The following TTC39C variants were observed in gnomAD, a reference collection of about 807,000 sequenced individuals.
TTC39C encodes tetratricopeptide repeat domain 39C, also known as tetratricopeptide repeat protein 39C.
TTC39C carries 33 observed loss-of-function variants against 76.3 expected under a neutral mutation model. The observed-to-expected ratio is 0.43, with a 90% CI of 0.33 to 0.58. The LOEUF is 0.58. Ranked by LOEUF, TTC39C falls within the 20% of genes least tolerant of loss-of-function variation. The pLI, the probability that TTC39C is intolerant of heterozygous loss-of-function variation, is 0.04. For missense variants in TTC39C, 595 were observed against 701.4 expected (o/e 0.85, Z 1.71); for synonymous variants, 254 against 260.6 (o/e 0.97, Z 0.24).
chr18:24,013,820 A>C (rs1020708319), upstream of TTC39C, among the ~76,000 whole-genome samples: 15 of 152,264 alleles, frequency 9.9e-5, no homozygotes, highest in African/African-American at 3.6e-4. Flanking sequence ...CATCATCAGA[A>C]CAGTGAGACT....
upstream of TTC39C, among the ~76,000 whole-genome samples, chr18:24,012,157 A>G (rs952446887): frequency 1.8e-5 from 2 of 113,070 alleles, no homozygotes; most frequent in Non-Finnish European, 4.4e-5. Flanking sequence ...CTCTTCCTTC[A>G]GGATTTGGAG....
intron 6 of TTC39C, among the ~76,000 whole-genome samples, chr18:24,092,625 C>G (rs974977613): frequency 6.6e-6 from 1 of 152,156 alleles, no homozygotes; most frequent in Non-Finnish European, 1.5e-5. Flanking sequence ...AAAAGTCAGT[C>G]ACAAAGACCA....
At chr18:24,069,407 C>A (rs1055977528) in intron 4 of TTC39C, 136 bp downstream of exon 4, 1 of 718,218 alleles carries the variant, frequency 1.4e-6, no homozygotes, top group Non-Finnish European at 2.3e-6. Context: ...TGATTTATTA[C>A]TGGGGAAATT....
chr18:24,023,971 TATATATATACATATATATATATA>T (rs2083555384), intron 1 of TTC39C, among the ~76,000 whole-genome samples: 3 of 13,496 alleles, frequency 2.2e-4, no homozygotes, highest in African/African-American at 3.6e-4. Flanking sequence ...TATATATATA[TATATATATACATATATATATATA>T]TATATATATA....
intron 6 of TTC39C, among the ~76,000 whole-genome samples, chr18:24,091,827 C>T (rs985689263): frequency 6.6e-5 from 10 of 152,090 alleles, no homozygotes; most frequent in East Asian, 3.9e-4. Flanking sequence ...CGGTGGCTCA[C>T]GCCTGTAATC....
chr18:24,086,683 C>T (rs1255961386), intron 6 of TTC39C, among the ~76,000 whole-genome samples: 1 of 152,224 alleles, frequency 6.6e-6, no homozygotes, highest in Non-Finnish European at 1.5e-5. Context: ...CTTCTCCCCA[C>T]TGCGTGTCTA....
chr18:24,020,085 A>G lies in TTC39C; in HGVS notation c.167+5047A>G, dbSNP rs115387936. The G allele has an allele frequency of 1.5e-5, 20 of 1,318,230 alleles. No individual in the cohort carries two copies. The African/African-American group carries it at 3.1e-4, about 20-fold the overall frequency. The allele number at this position is 1,318,230 out of a possible 1,614,324, so 81.7% of individuals were successfully genotyped here. A position where few individuals can be genotyped will look rare whatever the true frequency, so the allele number is the denominator to read the frequency against. On this transcript the variant is annotated intron_variant, in intron 1 of 13. Transcript: ENST00000317571. ...GCCTTGCTCCTGGAGACGATAGGAGAGTCCACAGATGCAGAGATGTAAGAA... is the reference window on the plus strand; with the variant it reads ...GCCTTGCTCCTGGAGACGATAGGAGGGTCCACAGATGCAGAGATGTAAGAA...
upstream of TTC39C, among the ~76,000 whole-genome samples, chr18:24,012,614 C>A (rs1052386768): frequency 1.3e-5 from 2 of 152,184 alleles, no homozygotes; most frequent in Admixed American, 6.5e-5. Flanking sequence ...GGACTGCAGG[C>A]TATCTCCTAT....
intron 1 of TTC39C, among the ~76,000 whole-genome samples, chr18:24,022,305 TTGA>T (rs1246790649): frequency 1.3e-5 from 2 of 151,780 alleles, no homozygotes; most frequent in Admixed American, 6.6e-5. Flanking sequence ...TGGGCTGGCA[TTGA>T]GCCAGCCCAC....
chr18:24,060,395 G>A (rs2084083249), intron 1 of TTC39C, among the ~76,000 whole-genome samples: 1 of 134,400 alleles, frequency 7.4e-6, no homozygotes, highest in South Asian at 2.4e-4. Flanking sequence ...TCGGCTCACT[G>A]CAGCTTCTGC....
At position 24,109,844 on chromosome 18, in the gene TTC39C, A is replaced by G. The variant is rs1240357923; in HGVS notation, c.985-4710A>G. On this transcript the variant is annotated intron_variant, in intron 6 of 13. Coordinates refer to ENST00000317571, the MANE Select transcript of TTC39C (RefSeq NM_001135993.2). ...ACATGGTGAAACCCTGTCTCTAGTA[A>G]AAATCCAAAAAATTAGCAGGGTCTG... Among the ~76,000 whole-genome samples the G allele has an allele frequency of 3.3e-5, 5 of 152,084 alleles. No homozygotes were observed. In the East Asian group the frequency reaches 9.6e-4, roughly 29 times the overall value.
At position 24,083,001 on chromosome 18, in the gene TTC39C, G is replaced by A; in HGVS notation, c.904G>A (p.Glu302Lys). 6.2e-7 allele frequency: 1 copy of A among 1,614,078 alleles called. No homozygotes were observed. Among genetic ancestry groups the A allele is most frequent in the Non-Finnish European group, 8.5e-7 (1 of 1,179,962 alleles). Residue 302 changes from glutamate to lysine, a missense_variant, in exon 6 of 14, where the codon GAA becomes AAA. Transcript: ENST00000317571. ...CAAGGCAGGCCTGGATGAAGCTAAG[G>A]AAATTCTCCTTAAAAAAGAAGCTGC... ...DNKAGLDEAK[E>K]ILLKKEAAYP...
intron 1 of TTC39C, among the ~76,000 whole-genome samples, chr18:24,054,492 G>A (rs547302740): frequency 2.6e-5 from 4 of 152,262 alleles, no homozygotes; most frequent in African/African-American, 4.8e-5. Context: ...AGTTTCAGTC[G>A]TGACTGTTCA....
At chr18:24,080,473 T>C in intron 4 of TTC39C, 112 bp from the exon 5 acceptor site, 1 of 757,736 alleles carries the variant, frequency 1.3e-6, no homozygotes, top group African/African-American at 1.8e-5. Flanking sequence ...CTAATTTTTA[T>C]GTTTTTTACA....
chr18:24,098,624 T>A (rs2084630316), intron 6 of TTC39C, among the ~76,000 whole-genome samples: 1 of 146,358 alleles, frequency 6.8e-6, no homozygotes. Context: ...TCTCTTCTCT[T>A]CTGTTTGTCT....
rs1404949527 is a variant in TTC39C, at chr18:24,134,269, T to A, written c.*1695T>A. On this transcript the variant is annotated 3_prime_UTR_variant, in exon 14 of 14. Transcript: ENST00000317571. ...ATATTGGACATCTGTTTTTTGTTTT[T>A]TTTTTTTTTTTTTTTTTTTTTTGAG... The A allele has an allele frequency of 8.1e-6, 1 of 123,452 alleles. No individual in the cohort carries two copies. Among genetic ancestry groups the A allele is most frequent in the South Asian group, 3.2e-4 (1 of 3,080 alleles). 7.6% of individuals were successfully genotyped at this position (123,452 alleles called of 1,614,324 possible).
chr18:24,045,384 G>A (rs2083855307), intron 1 of TTC39C, among the ~76,000 whole-genome samples: 1 of 152,090 alleles, frequency 6.6e-6, no homozygotes, highest in South Asian at 2.1e-4. Context: ...AAGGCGCTCT[G>A]CTTTGACACA....
At chr18:24,040,316 C>G (rs190739909) in intron 1 of TTC39C, among the ~76,000 whole-genome samples, 5 of 152,136 alleles carry the variant, frequency 3.3e-5, no homozygotes, top group African/African-American at 4.8e-5. Flanking sequence ...CTGTGTCTTT[C>G]AGTATTGGGG....
At chr18:24,059,751 G>A (rs1044866012) in intron 1 of TTC39C, among the ~76,000 whole-genome samples, 1 of 152,156 alleles carries the variant, frequency 6.6e-6, no homozygotes, top group Admixed American at 6.5e-5. Context: ...GGGTTGAATG[G>A]TATATTAGTT....
Sources: gnomAD v4.1 joint callset for allele counts (sites outside exome capture counted in the v4.1 genomes callset) on GRCh38, gnomAD v4.1.1 for gene constraint, MANE v1.5 for transcripts, NCBI Gene and HGNC (gene_info 2026-07-23, HGNC 2026-07-21) for gene names.